Variants in CMIP observed in about 807,000 individuals in gnomAD.
CMIP encodes c-Maf inducing protein.
CMIP carries 13 observed loss-of-function variants against 97.3 expected under a neutral mutation model. The observed-to-expected ratio is 0.13, with a 90% CI of 0.09 to 0.21. The LOEUF is 0.21. Ranked by LOEUF, CMIP falls within the 10% of genes least tolerant of loss-of-function variation. CMIP has a pLI of 1.00. For synonymous variants in CMIP, 538 were observed against 436.3 expected (o/e 1.23, Z -2.91); for missense variants, 847 against 1,024.9 (o/e 0.83, Z 2.37).
At chr16:81,452,884 T>TG (rs796563085) in intron 1 of CMIP, among the ~76,000 whole-genome samples, 6 of 81,264 alleles carry the variant, frequency 7.4e-5, no homozygotes, top group East Asian at 2.8e-4. Context: ...TTTTTTGTTT[T>TG]GTTTTTTTTT....
At chr16:81,508,663 G>A (rs764854532) in intron 1 of CMIP, among the ~76,000 whole-genome samples, 6 of 152,182 alleles carry the variant, frequency 3.9e-5, no homozygotes, top group Non-Finnish European at 7.3e-5. Flanking sequence ...CTGGAATATT[G>A]ATAGGTATTT....
At chr16:81,624,775 G>A (rs1464122030) in intron 3 of CMIP, among the ~76,000 whole-genome samples, 5 of 152,156 alleles carry the variant, frequency 3.3e-5, no homozygotes, top group African/African-American at 1.2e-4. Flanking sequence ...ATGATAACAG[G>A]GTCGATTGAC....
chr16:81,471,550 CAT>C (rs34994024), intron 1 of CMIP, among the ~76,000 whole-genome samples: 40,376 of 151,746 alleles, frequency 0.27, 5,917 homozygotes, highest in Admixed American at 0.4. Flanking sequence ...CACATACACA[CAT>C]GTGCACACAC....
chr16:81,710,332 A>G lies in CMIP; in HGVS notation c.*533A>G, dbSNP rs1908622639. 6.2e-6 allele frequency: 1 copy of G among 160,258 alleles called. No homozygotes were observed. The highest frequency in any genetic ancestry group is 2.4e-5 in the African/African-American group (1 of 41,520). 9.9% of individuals were successfully genotyped at this position (160,258 alleles called of 1,614,324 possible). A position where few individuals can be genotyped will look rare whatever the true frequency, so the allele number is the denominator to read the frequency against. On this transcript the variant is annotated 3_prime_UTR_variant, in exon 21 of 21. Transcript: ENST00000537098. Reference sequence around the variant, plus strand: ...TGATTCTTGTTGTACATAAGATTTAAATAATGCACCTATTTAAGACATGTT... The same window carrying G: ...TGATTCTTGTTGTACATAAGATTTAGATAATGCACCTATTTAAGACATGTT...
At chr16:81,579,374 A>T (rs373853435) in intron 1 of CMIP, among the ~76,000 whole-genome samples, 1 of 152,210 alleles carries the variant, frequency 6.6e-6, no homozygotes, top group East Asian at 1.9e-4. Flanking sequence ...AGCCACCACA[A>T]ATCCAGCCCC....
intron 3 of CMIP, among the ~76,000 whole-genome samples, chr16:81,637,752 T>C (rs150007971): frequency 6.6e-6 from 1 of 151,274 alleles, no homozygotes; most frequent in East Asian, 2.0e-4. Flanking sequence ...GTGATGAGGG[T>C]AGTAAGTTGG....
At chr16:81,643,489 C>T (rs1384403311) in intron 3 of CMIP, among the ~76,000 whole-genome samples, 1 of 152,168 alleles carries the variant, frequency 6.6e-6, no homozygotes, top group Non-Finnish European at 1.5e-5. Context: ...GAAGTGTTCA[C>T]TGTAAATGGG....
intron 1 of CMIP, among the ~76,000 whole-genome samples, chr16:81,535,289 A>G (rs2090319656): frequency 6.6e-6 from 1 of 152,092 alleles, no homozygotes; most frequent in Non-Finnish European, 1.5e-5. Context: ...TTAAAGATGA[A>G]GGAACTGAGG....
At chr16:81,459,329 C>T (rs1906763247) in intron 1 of CMIP, among the ~76,000 whole-genome samples, 1 of 152,188 alleles carries the variant, frequency 6.6e-6, no homozygotes, top group African/African-American at 2.4e-5. Context: ...GGAAGCTCTT[C>T]TTGGGTGTGC....
chr16:81,635,964 T>C (rs2092229238), intron 3 of CMIP, among the ~76,000 whole-genome samples: 1 of 150,060 alleles, frequency 6.7e-6, no homozygotes, highest in Non-Finnish European at 1.5e-5. Flanking sequence ...GGAGTTAGCA[T>C]GGATTCAGGG....
At position 81,553,413 on chromosome 16, in the gene CMIP, G is replaced by T. The variant is rs560126741; in HGVS notation, c.301-54154G>T. On this transcript the variant is annotated intron_variant, in intron 1 of 20. Transcript: ENST00000537098. Reference sequence around the variant, plus strand: ...GGCAGGCTGGGTCGCTGTTTGCACTGGGGGAAGCGCTGGCCTCAGAGGTGC... The same window carrying T: ...GGCAGGCTGGGTCGCTGTTTGCACTTGGGGAAGCGCTGGCCTCAGAGGTGC... Among the ~76,000 whole-genome samples, 180 of 152,326 alleles carry T rather than the reference G, an allele frequency of 1.2e-3. 1 individual carries two copies. The highest frequency in any genetic ancestry group is 4.2e-3 in the African/African-American group (176 of 41,578).
intron 1 of CMIP, among the ~76,000 whole-genome samples, chr16:81,510,961 C>T (rs1321784090): frequency 1.1e-4 from 16 of 152,194 alleles, no homozygotes; most frequent in Admixed American, 1.0e-3. Flanking sequence ...CTCAGGTGAT[C>T]CACCTGATTC....
chr16:81,578,331 C>CTT (rs2150901104), intron 1 of CMIP, among the ~76,000 whole-genome samples: 1 of 152,362 alleles, frequency 6.6e-6, no homozygotes, highest in East Asian at 1.9e-4. Flanking sequence ...TATAAGGTCT[C>CTT]TTTCCTGCTC....
rs752676776 is a variant in CMIP at position 81,652,726 on chromosome 16, A to G, written c.639+362A>G. 5.9e-5 allele frequency among the ~76,000 whole-genome samples: 9 copies of G among 152,172 alleles called. No homozygotes were observed. Among genetic ancestry groups the G allele is most frequent in the Middle Eastern group, 3.2e-3 (1 of 316 alleles). The stretch of plus-strand genomic sequence containing the variant: ...CCTCGTCACCCCACAAAGCCTGTAG[A>G]TGTGCTCTGTTTAATTTAAACACCA... On this transcript the variant is annotated intron_variant, in intron 4 of 20. Coordinates refer to ENST00000537098, the MANE Select transcript of CMIP (RefSeq NM_198390.3). This position sits in a 1 kb window ranked among gnomAD's most constrained non-coding sequence, Gnocchi z 5.2.
chr16:81,678,657 CG>C, intron 10 of CMIP, 29 bp downstream of exon 10: 2 of 1,118,854 alleles, frequency 1.8e-6, no homozygotes, highest in Non-Finnish European at 2.6e-6. Context: ...TGCCCGCCCC[CG>C]GGGCCGGTGG....
At chr16:81,605,397 C>T (rs958973486) in intron 1 of CMIP, among the ~76,000 whole-genome samples, 4 of 152,002 alleles carry the variant, frequency 2.6e-5, no homozygotes, top group Admixed American at 1.3e-4. Flanking sequence ...GCAGCCTTGT[C>T]GCTCACCTGG....
intron 1 of CMIP, among the ~76,000 whole-genome samples, chr16:81,484,123 T>A (rs1327440382): frequency 1.3e-5 from 2 of 152,138 alleles, no homozygotes; most frequent in African/African-American, 4.8e-5. Context: ...CGAGATAGTT[T>A]CAGGTCCTTG....
At chr16:81,696,399 C>A in intron 13 of CMIP, 161 bp from the exon 14 acceptor site, 1 of 697,872 alleles carries the variant, frequency 1.4e-6, no homozygotes, top group Non-Finnish European at 2.5e-6. Flanking sequence ...CCTTTCATGG[C>A]ATTTGGTGGA....
chr16:81,700,634 G>A (rs960189937), intron 15 of CMIP: 4 of 152,544 alleles, frequency 2.6e-5, no homozygotes, highest in Admixed American at 6.5e-5. Flanking sequence ...GTTGGCAGGC[G>A]CAGCAAAGCC....
Sources: gnomAD v4.1 joint callset for allele counts (sites outside exome capture counted in the v4.1 genomes callset) on GRCh38, gnomAD v4.1.1 for gene constraint, Gnocchi (gnomAD v3.1) non-coding constraint, MANE v1.5 for transcripts, NCBI Gene and HGNC (gene_info 2026-07-23, HGNC 2026-07-21) for gene names.